CCDC192: variants seen among roughly 807,000 people sequenced by gnomAD.
CCDC192 encodes the protein coiled-coil domain-containing protein 192.
chr5:127,785,706 T>C (rs150300697), intron 3 of CCDC192: 2 of 196,128 alleles, frequency 1.0e-5, no homozygotes, highest in East Asian at 1.6e-4. Context: ...ACAACCATTA[T>C]ATGATTGAGT....
chr5:127,790,738 G>A (rs1016644704), intron 3 of CCDC192, among the ~76,000 whole-genome samples: 2 of 152,136 alleles, frequency 1.3e-5, no homozygotes, highest in Non-Finnish European at 2.9e-5. Context: ...TTAATTATGG[G>A]ATAGCAAACA....
chr5:127,892,757 C>A (rs530612046), intron 6 of CCDC192, among the ~76,000 whole-genome samples: 5 of 152,014 alleles, frequency 3.3e-5, no homozygotes, highest in South Asian at 2.1e-4. Context: ...TATAGTTGGC[C>A]AAATGTGCAA....
At chr5:127,855,072 C>T (rs1461942066) in intron 5 of CCDC192, among the ~76,000 whole-genome samples, 5 of 152,134 alleles carry the variant, frequency 3.3e-5, no homozygotes. Context: ...AGGGCCTTGC[C>T]TCAGTGTTGA....
chr5:127,818,071 C>G (rs971212501), intron 5 of CCDC192, among the ~76,000 whole-genome samples: 1 of 152,144 alleles, frequency 6.6e-6, no homozygotes, highest in African/African-American at 2.4e-5. Flanking sequence ...AAAAACCCAG[C>G]ATAGCTTTTT....
At chr5:127,895,750 G>T (rs543489790) in intron 6 of CCDC192, among the ~76,000 whole-genome samples, 61 of 151,986 alleles carry the variant, frequency 4.0e-4, no homozygotes, top group African/African-American at 1.4e-3. Flanking sequence ...TGAGGTGGGG[G>T]TATGACTTGA....
chr5:127,767,382 A>T (rs1003662549), intron 3 of CCDC192, among the ~76,000 whole-genome samples: 1 of 152,224 alleles, frequency 6.6e-6, no homozygotes, highest in African/African-American at 2.4e-5. Context: ...GTGAGGACTT[A>T]ACGTTGAAAT....
At chr5:127,814,975 G>C (rs1219676124) in intron 5 of CCDC192, among the ~76,000 whole-genome samples, 1 of 152,082 alleles carries the variant, frequency 6.6e-6, no homozygotes, top group African/African-American at 2.4e-5. Context: ...TTTCAAGACA[G>C]TATGTGTTGG....
At chr5:127,721,621 G>C (rs541960415) in intron 2 of CCDC192, among the ~76,000 whole-genome samples, 2 of 152,206 alleles carry the variant, frequency 1.3e-5, no homozygotes, top group African/African-American at 4.8e-5. Flanking sequence ...TATCTTTATA[G>C]CAATGCCCCA....
Position 127,868,704 on chromosome 5 carries a change from C to T in CCDC192, c.412-6834C>T, listed in dbSNP as rs999621605. Among the ~76,000 whole-genome samples the T allele has an allele frequency of 2.0e-4, 30 of 152,000 alleles. No individual in the cohort carries two copies. In the South Asian group the frequency reaches 2.1e-3, roughly 11 times the overall value. On this transcript the variant is annotated intron_variant, in intron 5 of 6. Transcript: ENST00000514853. ...TTCGAAACCAGTCTGGTCAACATGA[C>T]GAAACCCAGTCTCTACCAAAAAATA...
At chr5:127,730,356 G>T (rs1288597026) in intron 2 of CCDC192, among the ~76,000 whole-genome samples, 1 of 152,144 alleles carries the variant, frequency 6.6e-6, no homozygotes, top group Non-Finnish European at 1.5e-5. Flanking sequence ...CCAATTACAA[G>T]TTCTGAAATT....
At chr5:127,819,208 T>C (rs996705397) in intron 5 of CCDC192, among the ~76,000 whole-genome samples, 1 of 152,004 alleles carries the variant, frequency 6.6e-6, no homozygotes, top group African/African-American at 2.4e-5. Flanking sequence ...GCAAGGAGGG[T>C]ACACGCTAAG....
chr5:127,710,088 G>A (rs780697831), intron 2 of CCDC192, among the ~76,000 whole-genome samples: 1 of 152,116 alleles, frequency 6.6e-6, no homozygotes, highest in Non-Finnish European at 1.5e-5. Flanking sequence ...GGTAAGCTTG[G>A]GATCCCTGGG....
intron 5 of CCDC192, among the ~76,000 whole-genome samples, chr5:127,864,874 A>G (rs1183717502): frequency 1.3e-5 from 2 of 152,354 alleles, no homozygotes; most frequent in South Asian, 2.1e-4. Flanking sequence ...ATGGCTGGGC[A>G]TGGTGGTTCA....
chr5:127,858,886 C>T (rs1243424791), intron 5 of CCDC192, among the ~76,000 whole-genome samples: 1 of 152,168 alleles, frequency 6.6e-6, no homozygotes, highest in Non-Finnish European at 1.5e-5. Context: ...AATAAAGTCA[C>T]ATTAAATCAT....
At chr5:127,768,129 G>A (rs1427997791) in intron 3 of CCDC192, among the ~76,000 whole-genome samples, 3 of 152,050 alleles carry the variant, frequency 2.0e-5, no homozygotes, top group East Asian at 3.9e-4. Context: ...GCACGTGCCT[G>A]TAATCCCAGC....
chr5:127,850,358 C>T (rs1479076862), intron 5 of CCDC192, among the ~76,000 whole-genome samples: 5 of 152,128 alleles, frequency 3.3e-5, no homozygotes, highest in Admixed American at 1.3e-4. Context: ...GGCTAATGCA[C>T]TAGAATGCAT....
intron 5 of CCDC192, among the ~76,000 whole-genome samples, chr5:127,822,300 C>G (rs1046514163): frequency 1.3e-5 from 2 of 152,144 alleles, no homozygotes; most frequent in South Asian, 4.2e-4. Context: ...TTCAATCTGC[C>G]CATGGGTCTT....
chr5:127,759,690 G>T (rs1414341290), intron 3 of CCDC192, among the ~76,000 whole-genome samples: 1 of 152,192 alleles, frequency 6.6e-6, no homozygotes, highest in East Asian at 1.9e-4. Context: ...GAACTGTGTA[G>T]TTCTCTTTAT....
intron 2 of CCDC192, among the ~76,000 whole-genome samples, chr5:127,729,477 C>T (rs142385702): frequency 1.7e-3 from 255 of 152,262 alleles, no homozygotes; most frequent in Non-Finnish European, 2.5e-3. Context: ...AGAACACTGA[C>T]AAAGATATTC....
Sources: allele counts gnomAD v4.1 joint callset (sites outside exome capture counted in the v4.1 genomes callset), GRCh38; gene constraint gnomAD v4.1.1; transcripts MANE v1.5; gene names NCBI Gene and HGNC (gene_info 2026-07-23, HGNC 2026-07-21).